MTFR1: variants seen among roughly 807,000 people sequenced by gnomAD.
MTFR1 encodes the protein mitochondrial fission regulator 1.
In MTFR1, 28 loss-of-function variants were observed where a neutral mutation model predicts 38.8. The observed-to-expected ratio is 0.72, with a 90% CI of 0.53 to 0.99. MTFR1 has a LOEUF of 0.99. Ranked by LOEUF, MTFR1 falls within the 50% of genes least tolerant of loss-of-function variation. The pLI is 0.00. For missense variants in MTFR1, 358 were observed against 395.5 expected, an observed-to-expected ratio of 0.91 and a Z score of 0.81; for synonymous variants, 145 against 137.0, an observed-to-expected ratio of 1.06 and a Z score of -0.41.
chr8:65,776,163 C>G (rs1310483488), downstream of MTFR1, among the ~76,000 whole-genome samples: 5 of 152,040 alleles, frequency 3.3e-5, no homozygotes, highest in African/African-American at 9.7e-5. Flanking sequence ...ATGGTGTGAA[C>G]AGGGTCCAAG....
chr8:65,751,293 T>G (rs1563487564), intron 3 of MTFR1, among the ~76,000 whole-genome samples: 1 of 152,178 alleles, frequency 6.6e-6, no homozygotes, highest in Non-Finnish European at 1.5e-5. Context: ...TGGTTTGATT[T>G]TTTTCATTAA....
chr8:65,711,767 C>CTATT (rs1554552513), downstream of MTFR1, among the ~76,000 whole-genome samples: 2 of 152,176 alleles, frequency 1.3e-5, no homozygotes, highest in Non-Finnish European at 2.9e-5. Context: ...CCTTCCAAGA[C>CTATT]TATTATTATC....
rs371159424 is a variant in MTFR1 at position 65,707,034 on chromosome 8, G to C, written c.542G>C (p.Gly181Ala). The part of the protein sequence containing the change: ...TAGDLDSTTF[G>A]TIPPHPPPPP... ...GGTGACTTAGATTCTACCACATTTG[G>C]TACCATACCACCACACCCTCCACCT... The change falls in exon 6 of 8, where the codon GGT becomes GCT. Residue 181 changes from glycine (G) to alanine (A), a missense_variant. Physicochemically the swap from Gly to Ala is moderately conservative, Grantham distance 60. Transcript: ENST00000262146. 1.3e-4 allele frequency: 211 copies of C among 1,609,566 alleles called. 5 individuals are homozygous for C. The highest frequency in any genetic ancestry group is 3.3e-4 in the Middle Eastern group (2 of 6,032).
At chr8:65,724,859 T>C in intron 3 of MTFR1, 1 of 1,610,796 alleles carries the variant, frequency 6.2e-7, no homozygotes, top group Non-Finnish European at 8.5e-7. Flanking sequence ...AGACAGATAC[T>C]CATTCTGGCG....
intron 5 of MTFR1, 134 bp downstream of exon 5, chr8:65,705,063 T>A (rs554944392): frequency 2.6e-6 from 2 of 765,210 alleles, no homozygotes; most frequent in African/African-American, 3.5e-5. Flanking sequence ...CGGTGGCGCA[T>A]GCCTGTAATC....
At chr8:65,672,379 A>C (rs976637261) in intron 2 of MTFR1, among the ~76,000 whole-genome samples, 2 of 152,242 alleles carry the variant, frequency 1.3e-5, no homozygotes, top group Non-Finnish European at 2.9e-5. Context: ...AAAATAAAAG[A>C]AGCTTTCTTA....
chr8:65,740,889 C>T (rs1405410865), intron 3 of MTFR1, among the ~76,000 whole-genome samples: 8 of 152,206 alleles, frequency 5.3e-5, no homozygotes, highest in African/African-American at 1.9e-4. Context: ...ATCACAGCCT[C>T]TCCTGGCCCC....
intron 3 of MTFR1, among the ~76,000 whole-genome samples, chr8:65,756,960 T>C (rs746782928): frequency 6.6e-6 from 1 of 152,114 alleles, no homozygotes; most frequent in African/African-American, 2.4e-5. Context: ...AAGGGATGTA[T>C]AGGGCAAGGT....
chr8:65,716,060 A>G (rs1806127818), intron 2 of MTFR1, among the ~76,000 whole-genome samples: 1 of 133,538 alleles, frequency 7.5e-6, no homozygotes, highest in East Asian at 2.6e-4. Flanking sequence ...CAGGAGGCTG[A>G]GGTGGGAGGA....
chr8:65,773,047 T>C (rs946340464), downstream of MTFR1, among the ~76,000 whole-genome samples: 2 of 152,056 alleles, frequency 1.3e-5, no homozygotes, highest in Admixed American at 6.6e-5. Flanking sequence ...AGCTAACTCC[T>C]GCAGAGAACA....
chr8:65,706,634 A>G (rs958344030), intron 5 of MTFR1, among the ~76,000 whole-genome samples: 1 of 152,222 alleles, frequency 6.6e-6, no homozygotes, highest in Non-Finnish European at 1.5e-5. Context: ...GTTTTCTCAA[A>G]TCATTAAAAT....
intron 1 of MTFR1, among the ~76,000 whole-genome samples, chr8:65,657,455 T>C (rs1021873565): frequency 1.3e-5 from 2 of 151,990 alleles, no homozygotes; most frequent in African/African-American, 4.8e-5. Flanking sequence ...CTCATGCCAA[T>C]GTTTTGGGAG....
At chr8:65,702,297 CTTTTTTTTTT>C (rs530863447) in intron 4 of MTFR1, among the ~76,000 whole-genome samples, 3 of 110,268 alleles carry the variant, frequency 2.7e-5, no homozygotes, top group South Asian at 6.0e-4. Flanking sequence ...TTCTTTCTTT[CTTTTTTTTTT>C]TTTTTTTTTT....
chr8:65,709,158 C>T lies in MTFR1; in HGVS notation c.*114C>T, dbSNP rs1805872161. The T allele has an allele frequency of 2.1e-6, 2 of 943,510 alleles. No homozygotes were observed. The highest frequency in any genetic ancestry group is 3.4e-6 in the Non-Finnish European group (2 of 596,992). The allele number at this position is 943,510 out of a possible 1,614,324, so 58.4% of individuals were successfully genotyped here. ...TACCTCTTTAGTATTCAGTGGTCTT[C>T]TTTTCAGGCTAATTAGTGGATTAAG... On this transcript the variant is annotated 3_prime_UTR_variant, in exon 8 of 8. Transcript: ENST00000262146.
rs551603245 is a variant in MTFR1 at position 65,768,291 on chromosome 8, G to T, written c.*49-2656G>T. 3.9e-5 allele frequency among the ~76,000 whole-genome samples: 6 copies of T among 152,208 alleles called. No homozygotes were observed. In the East Asian group the frequency reaches 1.2e-3, roughly 29 times the overall value. On this transcript the variant is annotated intron_variant, in intron 3 of 3. Transcript: ENST00000521247. ...ACTAGTATAATTCTGATATGGTTTG[G>T]CTGTGCCCCCACCCAAATCTCATCT...
intron 3 of MTFR1, 107 bp from the exon 4 acceptor site, chr8:65,693,537 A>G (rs1805344990): frequency 2.6e-6 from 2 of 762,082 alleles, no homozygotes; most frequent in Admixed American, 4.6e-5. Flanking sequence ...GAAACCACTC[A>G]TGTGTTTTTA....
chr8:65,654,117 G>A (rs888114399), intron 1 of MTFR1, among the ~76,000 whole-genome samples: 1 of 151,508 alleles, frequency 6.6e-6, no homozygotes, highest in Admixed American at 6.6e-5. Flanking sequence ...TATCCTATTG[G>A]GGGGAAAGAA....
intron 2 of MTFR1, chr8:65,718,678 G>C (rs1806245372): frequency 6.5e-6 from 1 of 152,896 alleles, no homozygotes; most frequent in Admixed American, 6.5e-5. Flanking sequence ...CAAATGGGAG[G>C]CTTTGGTGGC....
intron 3 of MTFR1, chr8:65,689,514 G>GA (rs914966075): frequency 3.1e-5 from 36 of 1,151,318 alleles, no homozygotes; most frequent in Admixed American, 8.7e-5. Context: ...ATGTGATTTT[G>GA]AAAAAAAATT....
Sources: allele counts gnomAD v4.1 joint callset (sites outside exome capture counted in the v4.1 genomes callset), GRCh38; gene constraint gnomAD v4.1.1; transcripts MANE v1.5; gene names NCBI Gene and HGNC (gene_info 2026-07-23, HGNC 2026-07-21).